Variants in TENM2 observed in about 807,000 individuals in gnomAD.
The protein encoded by TENM2 is teneurin transmembrane protein 2.
Under a neutral mutation model 245.2 loss-of-function variants are expected in TENM2, and 52 were observed. That is an observed-to-expected ratio of 0.21 (90% CI 0.17 to 0.27). The LOEUF (loss-of-function observed/expected upper bound fraction) is 0.27. TENM2 is among the 10% of genes least tolerant of loss of function. The pLI is 1.00. For missense variants in TENM2, 3,046 were observed against 3,666.8 expected (o/e 0.83, Z 4.37); for synonymous variants, 1,363 against 1,438.9 (o/e 0.95, Z 1.19).
intron 2 of TENM2, among the ~76,000 whole-genome samples, chr5:167,389,890 T>A (rs1761655502): frequency 6.6e-6 from 1 of 152,202 alleles, no homozygotes; most frequent in Non-Finnish European, 1.5e-5. Context: ...CAACTCTTCA[T>A]GTATTCATTG....
chr5:167,185,313 T>C, the TENM2 span, among the ~76,000 whole-genome samples: 31 of 152,212 alleles, frequency 2.0e-4, no homozygotes, highest in African/African-American at 6.7e-4. Flanking sequence ...AGAACCTAGT[T>C]GATTTGGGGA....
intron 15 of TENM2, among the ~76,000 whole-genome samples, chr5:168,195,983 C>A (rs1761395482): frequency 6.6e-6 from 1 of 152,022 alleles, no homozygotes; most frequent in African/African-American, 2.4e-5. Context: ...GAAAAGAAAT[C>A]TATGGGAGGG....
At chr5:167,779,784 G>A (rs938816856) in intron 2 of TENM2, among the ~76,000 whole-genome samples, 4 of 152,172 alleles carry the variant, frequency 2.6e-5, no homozygotes, top group Non-Finnish European at 1.5e-5. Flanking sequence ...CCCTGGCATT[G>A]CAATCATCTC....
At chr5:167,986,864 C>G (rs935285818) in intron 4 of TENM2, among the ~76,000 whole-genome samples, 2 of 152,222 alleles carry the variant, frequency 1.3e-5, no homozygotes, top group African/African-American at 4.8e-5. Flanking sequence ...TCTTGGTCCT[C>G]CCTGTGACCA....
At chr5:167,719,516 G>T (rs763273987) in intron 2 of TENM2, among the ~76,000 whole-genome samples, 4 of 152,238 alleles carry the variant, frequency 2.6e-5, no homozygotes, top group Non-Finnish European at 4.4e-5. Flanking sequence ...GAGGTAAAAG[G>T]TGAAGTGCAT....
At chr5:167,682,116 C>CCTG (rs773062042) in intron 2 of TENM2, among the ~76,000 whole-genome samples, 11,149 of 103,178 alleles carry the variant, frequency 0.11, 740 homozygotes, top group East Asian at 0.5. Flanking sequence ...CTCCCTCCCT[C>CCTG]CCTCCCTCCC....
intron 13 of TENM2, among the ~76,000 whole-genome samples, chr5:168,178,888 G>C (rs1039465239): frequency 6.6e-6 from 1 of 152,056 alleles, no homozygotes; most frequent in Non-Finnish European, 1.5e-5. Flanking sequence ...AAGTCAAGAG[G>C]CTTCGGGAGG....
At chr5:167,607,315 G>T (rs560478773) in intron 2 of TENM2, among the ~76,000 whole-genome samples, 2 of 152,138 alleles carry the variant, frequency 1.3e-5, no homozygotes, top group South Asian at 4.1e-4. Context: ...TCATCCCAGC[G>T]CTGCTCGATC....
At chr5:167,040,221 T>C in the TENM2 span, among the ~76,000 whole-genome samples, 1 of 152,206 alleles carries the variant, frequency 6.6e-6, no homozygotes, top group South Asian at 2.1e-4. Context: ...CTGACCCTAG[T>C]ATCACAAGTT....
intron 1 of TENM2, among the ~76,000 whole-genome samples, chr5:167,360,938 A>T (rs142339026): frequency 5.3e-5 from 8 of 152,308 alleles, no homozygotes; most frequent in African/African-American, 1.9e-4. Flanking sequence ...CACCTAGGGA[A>T]CAAAGTGCGT....
intron 2 of TENM2, among the ~76,000 whole-genome samples, chr5:167,663,160 GAGAGAGAGAGAGAGAGAGAGAGAGAGAA>G (rs1755335695): frequency 6.7e-6 from 1 of 149,546 alleles, no homozygotes; most frequent in African/African-American, 2.5e-5. Context: ...GAGAGAGAGA[GAGAGAGAGAGAGAGAGAGAGAGAGAGAA>G]AGAGAGAGAA....
At chr5:167,981,194 C>T (rs1223476814) in intron 4 of TENM2, among the ~76,000 whole-genome samples, 1 of 152,198 alleles carries the variant, frequency 6.6e-6, no homozygotes, top group African/African-American at 2.4e-5. Context: ...CACAGCATCA[C>T]AGTTCAGCTC....
intron 2 of TENM2, among the ~76,000 whole-genome samples, chr5:167,592,270 G>A (rs1303925278): frequency 6.6e-6 from 1 of 152,154 alleles, no homozygotes; most frequent in East Asian, 1.9e-4. Flanking sequence ...GTGTCGTGTT[G>A]ACATCTGATT....
chr5:167,939,512 G>A (rs552045525), intron 3 of TENM2, among the ~76,000 whole-genome samples: 1 of 152,276 alleles, frequency 6.6e-6, no homozygotes, highest in Admixed American at 6.5e-5. Flanking sequence ...ATTTCCCCAT[G>A]TATAAATCAG....
rs370802704 is a variant in TENM2 at position 168,261,612 on chromosome 5, C to T, written c.7564-437C>T. On this transcript the variant is annotated intron_variant, in intron 28 of 28. Coordinates refer to ENST00000518659, the Ensembl canonical transcript of TENM2. ...AAATCTAGCTTACAGTGGTGGGGTT[C>T]GAGGCTGTTCAAATCAACATCCTGC... Among the ~76,000 whole-genome samples, 5 of 152,282 alleles carry T rather than the reference C, an allele frequency of 3.3e-5. No homozygotes were observed. The East Asian group carries it at 5.8e-4, about 18-fold the overall frequency.
intron 1 of TENM2, among the ~76,000 whole-genome samples, chr5:167,345,471 T>C (rs1490669600): frequency 6.6e-6 from 1 of 152,148 alleles, no homozygotes; most frequent in Non-Finnish European, 1.5e-5. Context: ...GAAAGAAAAT[T>C]GGTATCAAAA....
chr5:167,929,086 AAAG>A (rs1778045207), intron 3 of TENM2, among the ~76,000 whole-genome samples: 3 of 131,836 alleles, frequency 2.3e-5, no homozygotes, highest in African/African-American at 3.1e-5. Context: ...AGAAAGAAAG[AAAG>A]AAAGAAAGAA....
At chr5:168,243,422 T>A (rs552661902) in intron 25 of TENM2, among the ~76,000 whole-genome samples, 1 of 152,338 alleles carries the variant, frequency 6.6e-6, no homozygotes, top group South Asian at 2.1e-4. Context: ...GCCTCCCCAC[T>A]GATGTCTCAC....
the TENM2 span, among the ~76,000 whole-genome samples, chr5:166,990,196 A>G: frequency 1.3e-5 from 2 of 152,222 alleles, no homozygotes; most frequent in Non-Finnish European, 2.9e-5. Flanking sequence ...GGTCTTCCTC[A>G]CTAAATTATT....
Sources: gnomAD v4.1 joint callset for allele counts (sites outside exome capture counted in the v4.1 genomes callset) on GRCh38, gnomAD v4.1.1 for gene constraint, MANE v1.5 for transcripts, NCBI Gene and HGNC (gene_info 2026-07-23, HGNC 2026-07-21) for gene names.